The following FOXP1 variants were observed in gnomAD, a reference collection of about 807,000 sequenced individuals.
FOXP1 encodes the protein forkhead box protein P1.
A neutral mutation model predicts 98.2 loss-of-function variants in FOXP1; 15 were observed. The ratio of observed to expected loss-of-function variants is 0.15; its 90% CI spans 0.10 to 0.24. FOXP1 has a LOEUF of 0.24. Ranked by LOEUF, FOXP1 falls within the 10% of genes least tolerant of loss-of-function variation. The pLI is 1.00. For synonymous variants in FOXP1, 371 were observed against 314.5 expected, an observed-to-expected ratio of 1.18 and a Z score of -1.90; for missense variants, 633 against 848.5, an observed-to-expected ratio of 0.75 and a Z score of 3.15.
chr3:71,445,669 C>A (rs966318690), intron 3 of FOXP1, among the ~76,000 whole-genome samples: 5 of 150,716 alleles, frequency 3.3e-5, no homozygotes, highest in Non-Finnish European at 5.9e-5. Context: ...ATATAAATAT[C>A]TATCAATAGA....
chr3:71,425,254 T>C (rs1473285989), intron 3 of FOXP1, among the ~76,000 whole-genome samples: 1 of 152,218 alleles, frequency 6.6e-6, no homozygotes, highest in Non-Finnish European at 1.5e-5. Context: ...TAGCTGGGAT[T>C]ACAGGCATGT....
At chr3:71,372,275 G>C (rs2079392371) in intron 3 of FOXP1, among the ~76,000 whole-genome samples, 1 of 151,392 alleles carries the variant, frequency 6.6e-6, no homozygotes, top group Non-Finnish European at 1.5e-5. Context: ...GCCCGTCTCA[G>C]CCTGCCAACG....
intron 3 of FOXP1, among the ~76,000 whole-genome samples, chr3:71,408,143 G>A (rs1022029172): frequency 3.3e-5 from 5 of 152,172 alleles, no homozygotes; most frequent in African/African-American, 4.8e-5. Context: ...CCTATTATCA[G>A]AACCTTTCTT....
At chr3:71,000,346 A>C (rs949457845) in intron 13 of FOXP1, among the ~76,000 whole-genome samples, 8 of 151,792 alleles carry the variant, frequency 5.3e-5, no homozygotes, top group Non-Finnish European at 1.0e-4. Context: ...ATATCTGATT[A>C]TGTGCATGTG....
chr3:71,272,214 G>C (rs552801033), intron 5 of FOXP1, among the ~76,000 whole-genome samples: 37 of 152,196 alleles, frequency 2.4e-4, no homozygotes, highest in African/African-American at 7.7e-4. Context: ...TTGTGCAAAA[G>C]AATCACCAAT....
intron 5 of FOXP1, among the ~76,000 whole-genome samples, chr3:71,235,132 A>G (rs201585546): frequency 4.4e-5 from 1 of 22,546 alleles, no homozygotes; most frequent in East Asian, 1.6e-3. Context: ...TCTGATGGGG[A>G]AAAAAAAAAT....
At chr3:71,217,034 A>G (rs535942219) in intron 5 of FOXP1, among the ~76,000 whole-genome samples, 6 of 152,144 alleles carry the variant, frequency 3.9e-5, no homozygotes, top group Non-Finnish European at 1.5e-5. Flanking sequence ...CTTCTAAAAG[A>G]ATTTGTTCTA....
At chr3:71,447,657 T>G (rs1219487166) in intron 3 of FOXP1, among the ~76,000 whole-genome samples, 1 of 152,202 alleles carries the variant, frequency 6.6e-6, no homozygotes, top group African/African-American at 2.4e-5. Context: ...AGGAAGCTCA[T>G]CCACGTCCAG....
At chr3:71,530,695 T>C (rs1272454912) in intron 2 of FOXP1, among the ~76,000 whole-genome samples, 1 of 152,246 alleles carries the variant, frequency 6.6e-6, no homozygotes, top group African/African-American at 2.4e-5. Flanking sequence ...TTCTAAGCAC[T>C]GTCTCATTTA....
chr3:71,536,974 C>G (rs753442845), intron 2 of FOXP1, among the ~76,000 whole-genome samples: 82 of 152,264 alleles, frequency 5.4e-4, no homozygotes, highest in Non-Finnish European at 1.0e-3. Flanking sequence ...CTCCTGCCCA[C>G]CTGAGCCATG....
At chr3:71,273,954 G>A (rs2070646867) in intron 5 of FOXP1, among the ~76,000 whole-genome samples, 1 of 152,194 alleles carries the variant, frequency 6.6e-6, no homozygotes, top group Non-Finnish European at 1.5e-5. Context: ...AGACTGGAAT[G>A]GCTTCACCCA....
intron 6 of FOXP1, among the ~76,000 whole-genome samples, chr3:71,170,240 A>AT (rs2061583120): frequency 2.0e-5 from 3 of 152,218 alleles, no homozygotes; most frequent in African/African-American, 7.2e-5. Context: ...TGCTATTTAA[A>AT]GTGAACTGCA....
At chr3:71,444,902 G>T (rs2086274540) in intron 3 of FOXP1, among the ~76,000 whole-genome samples, 1 of 152,184 alleles carries the variant, frequency 6.6e-6, no homozygotes, top group South Asian at 2.1e-4. Flanking sequence ...ATGGGGACTG[G>T]AGGGTAGAGG....
intron 5 of FOXP1, among the ~76,000 whole-genome samples, chr3:71,220,409 G>A (rs76613107): frequency 0.021 from 3,205 of 152,314 alleles, 52 homozygotes; most frequent in Non-Finnish European, 0.032. Context: ...AAAGCTAGCA[G>A]GGAGGCATCA....
chr3:70,957,426 GCCT>G lies in FOXP1; in HGVS notation c.*1818_*1820del, dbSNP rs2032090657. On this transcript the variant is annotated 3_prime_UTR_variant, in exon 21 of 21. Coordinates refer to ENST00000649528, the MANE Select transcript of FOXP1 (RefSeq NM_001349338.3). ...TTGTCATTTGCCTCTAAATTCTTTTGCCTCCTTTGATCAACAATAAGAGGATAT... is the reference window on the plus strand; with the variant it reads ...TTGTCATTTGCCTCTAAATTCTTTTGCCTTTGATCAACAATAAGAGGATAT... The G allele has an allele frequency of 4.3e-6, 1 of 229,968 alleles. No individual in the cohort carries two copies. Among genetic ancestry groups the G allele is most frequent in the Admixed American group, 5.7e-5 (1 of 17,664 alleles). The allele number at this position is 229,968 out of a possible 1,614,324, so 14.2% of individuals were successfully genotyped here.
intron 4 of FOXP1, among the ~76,000 whole-genome samples, chr3:71,324,499 A>C (rs2075570297): frequency 6.6e-6 from 1 of 152,146 alleles, no homozygotes; most frequent in South Asian, 2.1e-4. Flanking sequence ...CATCATTCTG[A>C]ACAAATTATC....
chr3:70,977,684 C>A lies in FOXP1; in HGVS notation c.1387G>T (p.Glu463Ter), dbSNP rs1233328410. The A allele has an allele frequency of 6.2e-7, 1 of 1,614,142 alleles. No individual in the cohort carries two copies. Reference protein sequence around the residue: ...AQNQEFYKNAEVRPPFTYASL... With the variant: ...AQNQEFYKNA The stretch of plus-strand genomic sequence containing the variant: ...GCATATGTAAATGGTGGTCTAACTT[C>A]TGCGTTCTTATAAAATTCTTGGTTC... The change falls in exon 16 of 21, where the codon GAA becomes TAA. Residue 463 changes from glutamate (E) to a stop codon, truncating the protein, a stop_gained. Coordinates refer to ENST00000649528, the MANE Select transcript of FOXP1 (RefSeq NM_001349338.3). LOFTEE classifies it high-confidence loss of function.
intron 5 of FOXP1, among the ~76,000 whole-genome samples, chr3:71,226,437 C>A (rs1198098027): frequency 4.6e-5 from 7 of 151,356 alleles, no homozygotes. Flanking sequence ...AGCCTCACTG[C>A]TCAACTCCAC....
At chr3:71,293,479 T>TA (rs10642015) in intron 5 of FOXP1, among the ~76,000 whole-genome samples, 176 of 143,034 alleles carry the variant, frequency 1.2e-3, no homozygotes, top group Admixed American at 2.1e-3. Flanking sequence ...CCCCATTTCT[T>TA]AAAAAAAAAA....
Sources: allele counts gnomAD v4.1 joint callset (sites outside exome capture counted in the v4.1 genomes callset), GRCh38; gene constraint gnomAD v4.1.1; transcripts MANE v1.5; gene names NCBI Gene and HGNC (gene_info 2026-07-23, HGNC 2026-07-21).